CDK14: variants seen among roughly 807,000 people sequenced by gnomAD.
CDK14 encodes the protein cyclin-dependent kinase 14.
A neutral mutation model predicts 60.7 loss-of-function variants in CDK14; 34 were observed. That is an observed-to-expected ratio of 0.56 (90% CI 0.43 to 0.75). CDK14 has a LOEUF of 0.75. CDK14 is among the 30% of genes least tolerant of loss of function. The probability of loss-of-function intolerance (pLI) is 0.00; values close to 1 mark genes in which losing one functional copy is unlikely to be tolerated. For synonymous variants in CDK14, 197 were observed against 203.7 expected (o/e 0.97, Z 0.28); for missense variants, 482 against 564.1 (o/e 0.85, Z 1.47).
intron 12 of CDK14, among the ~76,000 whole-genome samples, chr7:91,081,936 T>C (rs1439542984): frequency 6.6e-6 from 1 of 152,160 alleles, no homozygotes; most frequent in Non-Finnish European, 1.5e-5. Context: ...TCCCTCATAC[T>C]AGAAGTGCAT....
chr7:91,145,918 CTTTATTTATTTATTTA>C (rs144547153), intron 14 of CDK14, among the ~76,000 whole-genome samples: 22 of 147,850 alleles, frequency 1.5e-4, no homozygotes, highest in Non-Finnish European at 2.2e-4. Flanking sequence ...ACCTGGCTTG[CTTTATTTATTTATTTA>C]TTTATTTATT....
intron 2 of CDK14, among the ~76,000 whole-genome samples, chr7:90,629,898 G>A (rs1171306694): frequency 6.6e-6 from 1 of 151,968 alleles, no homozygotes; most frequent in African/African-American, 2.4e-5. Flanking sequence ...GTGGTGGCGT[G>A]CGCCTGTAAT....
intron 5 of CDK14, among the ~76,000 whole-genome samples, chr7:90,806,031 A>G (rs1017912572): frequency 2.0e-5 from 3 of 152,194 alleles, no homozygotes; most frequent in Non-Finnish European, 2.9e-5. Context: ...TTGCAAGGCA[A>G]TTCAATGGAG....
intron 7 of CDK14, among the ~76,000 whole-genome samples, chr7:90,913,168 A>G (rs1267496374): frequency 6.6e-6 from 1 of 152,194 alleles, no homozygotes; most frequent in African/African-American, 2.4e-5. Context: ...AACAACCAAG[A>G]GAAGTGATTT....
rs17866208 is a variant in CDK14 at position 90,633,536 on chromosome 7, G to A, written c.123+29287G>A. On this transcript the variant is annotated intron_variant, in intron 2 of 14. Coordinates refer to ENST00000380050, the MANE Select transcript of CDK14 (RefSeq NM_001287135.2). The stretch of plus-strand genomic sequence containing the variant: ...GGAATCACCATAGTTTATGTTTAAG[G>A]AATACACAGAGATTGCTACTGTTCC... Among the ~76,000 whole-genome samples the A allele has an allele frequency of 5.8e-3, 877 of 152,220 alleles. 7 individuals carry two copies. The highest frequency in any genetic ancestry group is 0.018 in the African/African-American group (761 of 41,542).
chr7:90,760,467 G>A (rs1374529980), intron 4 of CDK14, among the ~76,000 whole-genome samples: 1 of 152,164 alleles, frequency 6.6e-6, no homozygotes, highest in Non-Finnish European at 1.5e-5. Context: ...GGACTTCAGA[G>A]TCCTGAGAGG....
chr7:90,998,700 A>G (rs1295638723), intron 10 of CDK14, among the ~76,000 whole-genome samples: 1 of 152,184 alleles, frequency 6.6e-6, no homozygotes, highest in Non-Finnish European at 1.5e-5. Flanking sequence ...CGTCCTGGCT[A>G]ACACGGTGAA....
At chr7:91,199,052 A>G (rs1369761110) in intron 14 of CDK14, among the ~76,000 whole-genome samples, 1 of 152,172 alleles carries the variant, frequency 6.6e-6, no homozygotes, top group East Asian at 1.9e-4. Flanking sequence ...GTTTAGTAGG[A>G]CTGTAATATA....
chr7:90,877,871 G>T (rs1454597458), intron 6 of CDK14, among the ~76,000 whole-genome samples: 1 of 152,100 alleles, frequency 6.6e-6, no homozygotes, highest in East Asian at 1.9e-4. Flanking sequence ...GTGGTATCTT[G>T]TAAGGGTTCA....
chr7:90,884,671 C>G (rs1413427741), intron 6 of CDK14, among the ~76,000 whole-genome samples: 1 of 152,108 alleles, frequency 6.6e-6, no homozygotes, highest in Non-Finnish European at 1.5e-5. Flanking sequence ...ATCACGCTAC[C>G]TGACTTCAAA....
At chr7:90,667,954 T>C (rs1169046737) in intron 2 of CDK14, among the ~76,000 whole-genome samples, 1 of 152,200 alleles carries the variant, frequency 6.6e-6, no homozygotes, top group Non-Finnish European at 1.5e-5. Context: ...GACATTTGGG[T>C]TGTTTCCACT....
intron 14 of CDK14, among the ~76,000 whole-genome samples, chr7:91,126,286 T>C (rs1032505452): frequency 6.6e-6 from 1 of 152,182 alleles, no homozygotes. Flanking sequence ...AATGCCCAGA[T>C]TATCCTCTTT....
chr7:91,000,034 A>G (rs1021067755), intron 10 of CDK14, among the ~76,000 whole-genome samples: 1 of 152,232 alleles, frequency 6.6e-6, no homozygotes, highest in Non-Finnish European at 1.5e-5. Context: ...TCTAGTTTCT[A>G]AAGTGGTGAT....
At chr7:90,635,189 T>C (rs1274552488) in intron 2 of CDK14, among the ~76,000 whole-genome samples, 1 of 152,238 alleles carries the variant, frequency 6.6e-6, no homozygotes, top group African/African-American at 2.4e-5. Flanking sequence ...TTTGGTGTTT[T>C]AGACACGAAG....
At chr7:91,200,502 T>C (rs575999910) in intron 14 of CDK14, among the ~76,000 whole-genome samples, 24 of 152,326 alleles carry the variant, frequency 1.6e-4, no homozygotes, top group Admixed American at 1.4e-3. Flanking sequence ...TTCCGGGACA[T>C]TGTTCATGTG....
chr7:90,685,023 T>G (rs904487080), intron 2 of CDK14, among the ~76,000 whole-genome samples: 5 of 151,828 alleles, frequency 3.3e-5, no homozygotes, highest in Non-Finnish European at 7.4e-5. Context: ...ATCATCCTAT[T>G]ATGGTTTCTG....
chr7:90,926,590 C>T (rs374674356), intron 8 of CDK14, among the ~76,000 whole-genome samples: 43 of 152,250 alleles, frequency 2.8e-4, no homozygotes, highest in African/African-American at 1.0e-3. Flanking sequence ...TTTCAGATTT[C>T]ACCTTTTCCA....
At chr7:90,906,528 A>G (rs1476711767) in intron 7 of CDK14, among the ~76,000 whole-genome samples, 3 of 151,902 alleles carry the variant, frequency 2.0e-5, no homozygotes, top group Non-Finnish European at 2.9e-5. Context: ...AAATTTAGCA[A>G]TTTTGACTTT....
chr7:90,826,210 A>T (rs887970039), intron 5 of CDK14, among the ~76,000 whole-genome samples: 3 of 152,062 alleles, frequency 2.0e-5, no homozygotes, highest in Admixed American at 6.5e-5. Flanking sequence ...TTTCTTCAGT[A>T]TTTATTTATA....
Sources: allele counts gnomAD v4.1 joint callset (sites outside exome capture counted in the v4.1 genomes callset), GRCh38; gene constraint gnomAD v4.1.1; transcripts MANE v1.5; gene names NCBI Gene and HGNC (gene_info 2026-07-23, HGNC 2026-07-21).